The following KANSL1L variants were observed in gnomAD, a reference collection of about 807,000 sequenced individuals.
KANSL1L encodes KAT8 regulatory NSL complex subunit 1 like.
Under a neutral mutation model 108.6 loss-of-function variants are expected in KANSL1L, and 25 were observed. The observed-to-expected ratio is 0.23, with a 90% CI of 0.17 to 0.32. The LOEUF (loss-of-function observed/expected upper bound fraction) is 0.32, where lower values mean the gene tolerates loss of function less well. KANSL1L is among the 10% of genes least tolerant of loss of function. The pLI is 1.00. For synonymous variants in KANSL1L, 405 were observed against 395.1 expected (o/e 1.03, Z -0.30); for missense variants, 1,137 against 1,125.7 (o/e 1.01, Z -0.14).
chr2:210,142,898 A>G (rs937858663), intron 2 of KANSL1L, among the ~76,000 whole-genome samples: 1 of 152,118 alleles, frequency 6.6e-6, no homozygotes, highest in Non-Finnish European at 1.5e-5. Context: ...GTTCCCTTAC[A>G]CTTGAAAACA....
chr2:210,107,294 C>A (rs892769288), intron 3 of KANSL1L, among the ~76,000 whole-genome samples: 1 of 151,828 alleles, frequency 6.6e-6, no homozygotes, highest in South Asian at 2.1e-4. Context: ...GCCCCTACTG[C>A]AGGATAACAA....
chr2:210,171,667 A>T (rs925589709), upstream of KANSL1L: 1 of 151,912 alleles, frequency 6.6e-6, no homozygotes, highest in South Asian at 2.1e-4. Flanking sequence ...GGGGAAAAAA[A>T]AAAACACGGC....
At chr2:210,055,092 A>G (rs2125244241) in intron 6 of KANSL1L, among the ~76,000 whole-genome samples, 1 of 152,276 alleles carries the variant, frequency 6.6e-6, no homozygotes, top group South Asian at 2.1e-4. Flanking sequence ...AGTGGGAGGT[A>G]ATTGAATCAT....
chr2:210,065,183 T>C (rs1197989825), intron 6 of KANSL1L, among the ~76,000 whole-genome samples: 1 of 144,792 alleles, frequency 6.9e-6, no homozygotes, highest in African/African-American at 2.6e-5. Flanking sequence ...TCCTAGCTAT[T>C]GGGGAGGCTG....
intron 6 of KANSL1L, among the ~76,000 whole-genome samples, chr2:210,075,240 T>C (rs2094534065): frequency 6.6e-6 from 1 of 152,134 alleles, no homozygotes; most frequent in Non-Finnish European, 1.5e-5. Context: ...CCCTCTTATC[T>C]TTGACAGTAC....
intron 5 of KANSL1L, chr2:210,096,535 T>C: frequency 1.0e-6 from 1 of 984,752 alleles, no homozygotes; most frequent in Non-Finnish European, 1.2e-6. Flanking sequence ...CATGTAACTA[T>C]GTGTGTAACT....
chr2:210,089,419 G>T (rs898756029), intron 5 of KANSL1L, among the ~76,000 whole-genome samples: 11 of 152,026 alleles, frequency 7.2e-5, no homozygotes, highest in African/African-American at 2.4e-4. Context: ...GAACCCTTAT[G>T]TTTTTACTGT....
chr2:210,062,592 G>A (rs1410320789), intron 6 of KANSL1L, among the ~76,000 whole-genome samples: 2 of 152,208 alleles, frequency 1.3e-5, no homozygotes, highest in Admixed American at 6.5e-5. Context: ...TGAAATCCAG[G>A]CTGAGGTAGT....
At chr2:210,077,803 T>C (rs73063946) in intron 5 of KANSL1L, among the ~76,000 whole-genome samples, 2 of 152,272 alleles carry the variant, frequency 1.3e-5, no homozygotes, top group African/African-American at 4.8e-5. Flanking sequence ...CCCCTCCCCA[T>C]GGAAGGCTTA....
intron 2 of KANSL1L, among the ~76,000 whole-genome samples, chr2:210,143,320 T>A (rs1395604748): frequency 6.6e-6 from 1 of 152,136 alleles, no homozygotes; most frequent in African/African-American, 2.4e-5. Context: ...TCACTTTTAG[T>A]CTGTGTGTGT....
chr2:210,101,249 C>A (rs1051770552), intron 4 of KANSL1L, among the ~76,000 whole-genome samples: 1 of 152,160 alleles, frequency 6.6e-6, no homozygotes, highest in Non-Finnish European at 1.5e-5. Context: ...GGAGGCTATG[C>A]TTGCTTAGTG....
intron 5 of KANSL1L, 44 bp from the exon 6 acceptor site, chr2:210,075,800 C>A: frequency 7.3e-7 from 1 of 1,364,192 alleles, no homozygotes; most frequent in Non-Finnish European, 1.0e-6. Flanking sequence ...GGGAATAAAA[C>A]AAAACAAAAC....
At chr2:210,062,619 G>T (rs2094431471) in intron 6 of KANSL1L, among the ~76,000 whole-genome samples, 1 of 152,184 alleles carries the variant, frequency 6.6e-6, no homozygotes, top group African/African-American at 2.4e-5. Context: ...TGGAGATAAG[G>T]AACTTGTTGG....
chr2:210,046,325 A>T (rs2094222576), intron 6 of KANSL1L, among the ~76,000 whole-genome samples: 1 of 152,148 alleles, frequency 6.6e-6, no homozygotes, highest in African/African-American at 2.4e-5. Context: ...ATCTTAACTC[A>T]TTCCAGCATC....
chr2:210,082,595 A>G (rs2094599008), intron 5 of KANSL1L, among the ~76,000 whole-genome samples: 1 of 152,246 alleles, frequency 6.6e-6, no homozygotes, highest in East Asian at 1.9e-4. Flanking sequence ...AATGGCCTCC[A>G]TCTTTTCATA....
At chr2:210,079,666 G>A (rs868456134) in intron 5 of KANSL1L, 10,392 of 17,876 alleles carry the variant, frequency 0.58, 2,653 homozygotes, top group East Asian at 0.62. Context: ...ATATATATAT[G>A]TATGTGTGTA....
At chr2:210,145,941 A>G (rs781151071) in intron 2 of KANSL1L, among the ~76,000 whole-genome samples, 1 of 151,320 alleles carries the variant, frequency 6.6e-6, no homozygotes, top group Non-Finnish European at 1.5e-5. Flanking sequence ...GGCTCATGTC[A>G]GGATTGGGAG....
At chr2:210,103,081 T>A (rs1426631949) in intron 4 of KANSL1L, among the ~76,000 whole-genome samples, 2 of 152,132 alleles carry the variant, frequency 1.3e-5, no homozygotes, top group African/African-American at 4.8e-5. Context: ...TGTCCATCAA[T>A]GATAGACTGG....
At chr2:210,084,374 A>T (rs1306254895) in intron 5 of KANSL1L, among the ~76,000 whole-genome samples, 1 of 151,212 alleles carries the variant, frequency 6.6e-6, no homozygotes, top group Non-Finnish European at 1.5e-5. Context: ...GTGAGCCGAG[A>T]TCGCACCACT....
Sources: gnomAD v4.1 joint callset for allele counts (sites outside exome capture counted in the v4.1 genomes callset) on GRCh38, gnomAD v4.1.1 for gene constraint, MANE v1.5 for transcripts, NCBI Gene and HGNC (gene_info 2026-07-23, HGNC 2026-07-21) for gene names.